The following ASIC2 variants were observed in gnomAD, a reference collection of about 807,000 sequenced individuals.
ASIC2 encodes the protein acid-sensing ion channel 2.
In ASIC2, 25 loss-of-function variants were observed where a neutral mutation model predicts 57.3. The observed-to-expected ratio is 0.44, with a 90% confidence interval of 0.32 to 0.61. The LOEUF is 0.61. Ranked by LOEUF, ASIC2 falls within the 20% of genes least tolerant of loss-of-function variation. ASIC2 has a pLI of 0.06. For synonymous variants in ASIC2, 319 were observed against 307.5 expected, an observed-to-expected ratio of 1.04 and a Z score of -0.39; for missense variants, 641 against 738.1, an observed-to-expected ratio of 0.87 and a Z score of 1.52.
chr17:33,348,230 A>G (rs780969173), intron 1 of ASIC2, among the ~76,000 whole-genome samples: 5 of 152,252 alleles, frequency 3.3e-5, no homozygotes, highest in Non-Finnish European at 5.9e-5. Context: ...TTAGGACCCA[A>G]TGAGACTGGT....
At chr17:33,519,114 C>T (rs964387947) in intron 1 of ASIC2, among the ~76,000 whole-genome samples, 2 of 152,218 alleles carry the variant, frequency 1.3e-5, no homozygotes, top group Non-Finnish European at 2.9e-5. Context: ...GCCACCGCGC[C>T]GGGCCGATAA....
chr17:33,926,114 G>A (rs1915817330), intron 1 of ASIC2, among the ~76,000 whole-genome samples: 2 of 152,290 alleles, frequency 1.3e-5, no homozygotes, highest in African/African-American at 2.4e-5. Context: ...CGGTTAGGTG[G>A]TTGAGTACCT....
At chr17:33,799,395 TTTC>T (rs1453230959) in intron 1 of ASIC2, among the ~76,000 whole-genome samples, 4,404 of 41,278 alleles carry the variant, frequency 0.11, 88 homozygotes, top group Non-Finnish European at 0.17. Flanking sequence ...TCTTTCTTTC[TTTC>T]TTTCTTTTCT....
At chr17:33,552,926 G>A (rs890288797) in intron 1 of ASIC2, among the ~76,000 whole-genome samples, 1 of 152,196 alleles carries the variant, frequency 6.6e-6, no homozygotes, top group African/African-American at 2.4e-5. Flanking sequence ...GAGCTGGGAG[G>A]GGAAATGCAT....
chr17:33,444,850 C>T (rs961058042), intron 1 of ASIC2, among the ~76,000 whole-genome samples: 2 of 152,144 alleles, frequency 1.3e-5, no homozygotes, highest in Non-Finnish European at 2.9e-5. Flanking sequence ...ACTTAAAAGT[C>T]GACGGTTGGC....
intron 1 of ASIC2, among the ~76,000 whole-genome samples, chr17:33,849,990 AT>A (rs1567733945): frequency 6.6e-6 from 1 of 150,760 alleles, no homozygotes; most frequent in Non-Finnish European, 1.5e-5. Context: ...TATACAAAGT[AT>A]TTTTTGAATT....
intron 3 of ASIC2, 45 bp downstream of exon 3, chr17:33,088,817 CG>C: frequency 3.9e-6 from 6 of 1,556,422 alleles, no homozygotes; most frequent in East Asian, 2.3e-5. Context: ...TGCAGGGGGT[CG>C]GGGGAGGCTG....
chr17:33,589,286 G>A (rs961492970), intron 1 of ASIC2, among the ~76,000 whole-genome samples: 2 of 152,154 alleles, frequency 1.3e-5, no homozygotes, highest in African/African-American at 4.8e-5. Context: ...TCAGGCTGGG[G>A]CCAGGAAAGC....
At chr17:33,436,942 T>G (rs1416451122) in intron 1 of ASIC2, among the ~76,000 whole-genome samples, 1 of 131,032 alleles carries the variant, frequency 7.6e-6, no homozygotes, top group Non-Finnish European at 1.6e-5. Flanking sequence ...CTCGGCTCAC[T>G]GCAAGCTCCG....
intron 1 of ASIC2, among the ~76,000 whole-genome samples, chr17:33,425,989 T>C (rs1196662883): frequency 3.9e-5 from 6 of 152,144 alleles, no homozygotes; most frequent in African/African-American, 1.4e-4. Flanking sequence ...GAGGGGCTAG[T>C]AAGGGCAAGG....
chr17:33,752,712 A>G lies in ASIC2; in HGVS notation c.555+403266T>C, dbSNP rs139208852. Among the ~76,000 whole-genome samples the G allele has an allele frequency of 4.0e-3, 602 of 152,340 alleles. 2 individuals are homozygous for G. The highest frequency in any genetic ancestry group is 4.8e-3 in the Non-Finnish European group (328 of 68,022). ...GTATACAAAAAGATGCTCCACATCA[A>G]TGTCATTAAGGAACTGCAACTTACA... On this transcript the variant is annotated intron_variant, in intron 1 of 9. Transcript: ENST00000359872.
At chr17:33,592,282 C>T (rs1386145242) in intron 1 of ASIC2, among the ~76,000 whole-genome samples, 1 of 152,214 alleles carries the variant, frequency 6.6e-6, no homozygotes, top group Non-Finnish European at 1.5e-5. Context: ...GGCATTCTGC[C>T]CTATTCTGAC....
At position 33,161,906 on chromosome 17, in the gene ASIC2, A is replaced by G. The variant is rs1405623971; in HGVS notation, c.709-49839T>C. On this transcript the variant is annotated intron_variant, in intron 1 of 9. Transcript: ENST00000225823. ...TTTTTTGCTTCAAAACTGTGCTTTT[A>G]AGTACACCACACTGCTTCACCAGGG... 1.0e-4 allele frequency among the ~76,000 whole-genome samples: 11 copies of G among 106,836 alleles called. No homozygotes were observed. The East Asian group carries it at 2.8e-3, about 27-fold the overall frequency. 70.1% of individuals were successfully genotyped at this position (106,836 alleles called of 152,430 possible).
chr17:33,579,615 T>G (rs995676890), intron 1 of ASIC2, among the ~76,000 whole-genome samples: 1 of 152,182 alleles, frequency 6.6e-6, no homozygotes, highest in African/African-American at 2.4e-5. Flanking sequence ...AGTTTGTTCC[T>G]TCAGGTGTTC....
intron 1 of ASIC2, among the ~76,000 whole-genome samples, chr17:34,113,746 G>T (rs1183759777): frequency 1.3e-5 from 2 of 151,578 alleles, no homozygotes; most frequent in African/African-American, 2.4e-5. Context: ...GCAGTGGTGT[G>T]CACCTACAGT....
At chr17:33,144,980 T>C (rs1259873985) in intron 1 of ASIC2, among the ~76,000 whole-genome samples, 2 of 152,224 alleles carry the variant, frequency 1.3e-5, no homozygotes, top group Non-Finnish European at 1.5e-5. Context: ...CTAGAGCTAG[T>C]ACAAGGCCTG....
chr17:33,500,527 T>G (rs1294200265), intron 1 of ASIC2, among the ~76,000 whole-genome samples: 1 of 152,204 alleles, frequency 6.6e-6, no homozygotes. Flanking sequence ...GAAACAGTAA[T>G]TCTATGATCT....
At chr17:33,367,219 A>T (rs946909889) in intron 1 of ASIC2, among the ~76,000 whole-genome samples, 1 of 152,194 alleles carries the variant, frequency 6.6e-6, no homozygotes, top group African/African-American at 2.4e-5. Flanking sequence ...TTGAGCTGGG[A>T]GGGAGCCAGA....
intron 1 of ASIC2, among the ~76,000 whole-genome samples, chr17:33,739,901 A>C (rs1362027815): frequency 6.6e-6 from 1 of 151,222 alleles, no homozygotes; most frequent in Non-Finnish European, 1.5e-5. Flanking sequence ...AAAAGAAAAA[A>C]GAGAAAGAAA....
Sources: gnomAD v4.1 joint callset for allele counts (sites outside exome capture counted in the v4.1 genomes callset) on GRCh38, gnomAD v4.1.1 for gene constraint, MANE v1.5 for transcripts, NCBI Gene and HGNC (gene_info 2026-07-23, HGNC 2026-07-21) for gene names.